The following SPIN1 variants were observed in gnomAD, a reference collection of about 807,000 sequenced individuals.
The protein encoded by SPIN1 is spindlin-1.
SPIN1 carries 3 observed loss-of-function variants against 26.0 expected under a neutral mutation model. The observed-to-expected ratio is 0.12, with a 90% CI of 0.05 to 0.30. The LOEUF (loss-of-function observed/expected upper bound fraction) is 0.30, where lower values mean the gene tolerates loss of function less well. SPIN1 is among the 10% of genes least tolerant of loss of function. The pLI is 1.00. For missense variants in SPIN1, 126 were observed against 333.4 expected, an observed-to-expected ratio of 0.38 and a Z score of 4.84; for synonymous variants, 101 against 116.5, an observed-to-expected ratio of 0.87 and a Z score of 0.86.
chr9:88,409,710 C>G (rs1827396116), intron 1 of SPIN1, among the ~76,000 whole-genome samples: 1 of 151,800 alleles, frequency 6.6e-6, no homozygotes. Context: ...TGGTGGCGGG[C>G]ACCTGTAGTC....
At chr9:88,424,901 A>G (rs772766969) in intron 1 of SPIN1, among the ~76,000 whole-genome samples, 1 of 152,198 alleles carries the variant, frequency 6.6e-6, no homozygotes, top group African/African-American at 2.4e-5. Flanking sequence ...AGCCAATACC[A>G]TAATCTTCAA....
At chr9:88,390,510 T>C (rs1464435564) in intron 1 of SPIN1, among the ~76,000 whole-genome samples, 1 of 152,240 alleles carries the variant, frequency 6.6e-6, no homozygotes, top group Non-Finnish European at 1.5e-5. Flanking sequence ...TGCTAGCATC[T>C]TTTTTCTAGT....
intron 1 of SPIN1, among the ~76,000 whole-genome samples, chr9:88,393,132 C>CTTTTT (rs79661252): frequency 3.2e-5 from 4 of 124,892 alleles, no homozygotes; most frequent in East Asian, 2.4e-4. Flanking sequence ...GTTAAATGTG[C>CTTTTT]TTTTTTTTTT....
At position 88,434,829 on chromosome 9, in the gene SPIN1, G is replaced by A. The variant is rs997373291; in HGVS notation, c.52+8238G>A. On this transcript the variant is annotated intron_variant, in intron 2 of 5. Coordinates refer to ENST00000375859, the MANE Select transcript of SPIN1 (RefSeq NM_006717.3). ...CCCAACACTCTGGGAGGCCGAAGCG[G>A]GTGGGTCACTTGAGGAGTTTGAGAC... Among the ~76,000 whole-genome samples, 4 of 152,050 alleles carry A rather than the reference G, an allele frequency of 2.6e-5. No homozygotes were observed. In the East Asian group the frequency reaches 7.8e-4, roughly 29 times the overall value.
chr9:88,402,832 G>C (rs913392798), intron 1 of SPIN1, among the ~76,000 whole-genome samples: 1 of 152,186 alleles, frequency 6.6e-6, no homozygotes, highest in African/African-American at 2.4e-5. Context: ...AGCCAGTAGT[G>C]GGATTGCTGA....
At chr9:88,456,986 T>TA (rs1828485521) in intron 3 of SPIN1, among the ~76,000 whole-genome samples, 1 of 149,818 alleles carries the variant, frequency 6.7e-6, no homozygotes, top group Non-Finnish European at 1.5e-5. Flanking sequence ...AGGCTGAAAG[T>TA]AGAGTTTACT....
At position 88,477,549 on chromosome 9, in the gene SPIN1, T is replaced by TC. The variant is rs1226189870; in HGVS notation, c.*2273dup. 1.3e-5 allele frequency: 2 copies of TC among 152,522 alleles called. No individual in the cohort carries two copies. The highest frequency in any genetic ancestry group is 2.1e-4 in the South Asian group (1 of 4,828). 9.4% of individuals were successfully genotyped at this position (152,522 alleles called of 1,614,324 possible). ...GGGAAAGGGAAGGTTTGTTTTTTTT[T>TC]CTCCCCATTTTCCCCCATTCTGTCT... On this transcript the variant is annotated 3_prime_UTR_variant, in exon 6 of 6. Coordinates refer to ENST00000375859, the MANE Select transcript of SPIN1 (RefSeq NM_006717.3).
chr9:88,460,746 A>T (rs1828562958), intron 3 of SPIN1, among the ~76,000 whole-genome samples: 1 of 152,218 alleles, frequency 6.6e-6, no homozygotes, highest in Non-Finnish European at 1.5e-5. Context: ...AGCCCTTGAC[A>T]GAATGGATTA....
chr9:88,408,376 CTTT>C (rs1177261349), intron 1 of SPIN1, among the ~76,000 whole-genome samples: 30,811 of 114,498 alleles, frequency 0.27, 7,590 homozygotes, highest in African/African-American at 0.73. Flanking sequence ...TCCTTTTTTT[CTTT>C]TTTTTTTTTT....
At chr9:88,405,207 C>G (rs1030338992) in intron 1 of SPIN1, among the ~76,000 whole-genome samples, 3 of 152,130 alleles carry the variant, frequency 2.0e-5, no homozygotes, top group African/African-American at 7.2e-5. Flanking sequence ...GTACAATGTA[C>G]TGTACGTAAT....
At chr9:88,417,493 A>G (rs1489597816) in intron 1 of SPIN1, among the ~76,000 whole-genome samples, 5 of 152,064 alleles carry the variant, frequency 3.3e-5, no homozygotes, top group Non-Finnish European at 7.4e-5. Flanking sequence ...TTTTTGTGAG[A>G]TGGAGTTCTC....
intron 1 of SPIN1, among the ~76,000 whole-genome samples, chr9:88,415,362 T>A (rs1827538827): frequency 6.6e-6 from 1 of 152,086 alleles, no homozygotes; most frequent in South Asian, 2.1e-4. Flanking sequence ...ATCTTTGAAG[T>A]TTTAGCTAAA....
rs1403843019 is a variant in SPIN1 at position 88,477,995 on chromosome 9, CTTTATT to C, written c.*2726_*2731del. The C allele has an allele frequency of 1.3e-5, 2 of 151,862 alleles. No homozygotes were observed. Among genetic ancestry groups the C allele is most frequent in the Admixed American group, 6.6e-5 (1 of 15,258 alleles). 9.4% of individuals were successfully genotyped at this position (151,862 alleles called of 1,614,324 possible). A position where few individuals can be genotyped will look rare whatever the true frequency, so the allele number is the denominator to read the frequency against. On this transcript the variant is annotated 3_prime_UTR_variant, in exon 6 of 6. Coordinates refer to ENST00000375859, the MANE Select transcript of SPIN1 (RefSeq NM_006717.3). ...AAAGATATTTAGGTTTTTTTGTTTT[CTTTATT>C]TTTATTTGTTTTCAGTTTCCTGTAT...
intron 2 of SPIN1, among the ~76,000 whole-genome samples, chr9:88,436,226 C>T (rs55845391): frequency 0.026 from 4,013 of 152,266 alleles, 180 homozygotes; most frequent in African/African-American, 0.092. Context: ...TGCTCCACAG[C>T]GCCTGACTTT....
chr9:88,469,895 T>A (rs1828744570), intron 5 of SPIN1, among the ~76,000 whole-genome samples: 2 of 152,210 alleles, frequency 1.3e-5, no homozygotes, highest in Admixed American at 1.3e-4. Flanking sequence ...TACGCACAGA[T>A]ATGTACAGTC....
intron 2 of SPIN1, among the ~76,000 whole-genome samples, chr9:88,439,197 A>G (rs1431282184): frequency 6.6e-6 from 1 of 152,184 alleles, no homozygotes; most frequent in Non-Finnish European, 1.5e-5. Context: ...TATCCTGAAC[A>G]CATTATTTTT....
intron 1 of SPIN1, among the ~76,000 whole-genome samples, chr9:88,399,035 G>T (rs1193403322): frequency 7.0e-6 from 1 of 141,942 alleles, no homozygotes; most frequent in Non-Finnish European, 1.6e-5. Context: ...GGCTTAAGCA[G>T]TTTTTTTTTT....
chr9:88,418,829 A>G (rs1229229743), intron 1 of SPIN1: 1 of 152,116 alleles, frequency 6.6e-6, no homozygotes, highest in Non-Finnish European at 1.5e-5. Flanking sequence ...TGACCAAGTT[A>G]TTTTAATGTC....
At chr9:88,429,393 A>G (rs1827821034) in intron 2 of SPIN1, among the ~76,000 whole-genome samples, 1 of 152,188 alleles carries the variant, frequency 6.6e-6, no homozygotes. Context: ...GTTCAGATGC[A>G]TATCTGGGCC....
Sources: allele counts gnomAD v4.1 joint callset (sites outside exome capture counted in the v4.1 genomes callset), GRCh38; gene constraint gnomAD v4.1.1; transcripts MANE v1.5; gene names NCBI Gene and HGNC (gene_info 2026-07-23, HGNC 2026-07-21).